SELENOF: variants seen among roughly 807,000 people sequenced by gnomAD.
SELENOF encodes the protein 15 kDa selenoprotein.
In SELENOF, 16 loss-of-function variants were observed where a neutral mutation model predicts 20.5. That is an observed-to-expected ratio of 0.78 (90% confidence interval 0.53 to 1.19). The LOEUF is 1.19. Ranked by LOEUF, SELENOF falls within the 50% of genes most tolerant of loss-of-function variation. The probability of loss-of-function intolerance (pLI) is 0.00; values close to 1 mark genes in which losing one functional copy is unlikely to be tolerated. For missense variants in SELENOF, 215 were observed against 194.2 expected, an observed-to-expected ratio of 1.11 and a Z score of -0.64; for synonymous variants, 78 against 74.5, an observed-to-expected ratio of 1.05 and a Z score of -0.24.
chr1:86,902,993 G>C (rs1484730999), intron 2 of SELENOF, among the ~76,000 whole-genome samples: 1 of 152,062 alleles, frequency 6.6e-6, no homozygotes, highest in Non-Finnish European at 1.5e-5. Context: ...GGCTTCATTT[G>C]GCCAGAAGTT....
intron 1 of SELENOF, among the ~76,000 whole-genome samples, chr1:86,905,952 G>A (rs1659817047): frequency 6.6e-6 from 1 of 152,222 alleles, no homozygotes; most frequent in Non-Finnish European, 1.5e-5. Context: ...TGGGTTGACT[G>A]AATTTGGCCC....
chr1:86,891,739 C>T (rs1659387936), intron 2 of SELENOF, among the ~76,000 whole-genome samples: 1 of 151,998 alleles, frequency 6.6e-6, no homozygotes, highest in South Asian at 2.1e-4. Flanking sequence ...TATATTGATA[C>T]TTAATTCACT....
intron 1 of SELENOF, among the ~76,000 whole-genome samples, chr1:86,910,702 CA>C (rs36124875): frequency 0.31 from 25,675 of 82,674 alleles, 2,755 homozygotes; most frequent in African/African-American, 0.43. Context: ...GACTCCATAT[CA>C]AAAAAAAAAA....
At chr1:86,896,280 G>C (rs938081264) in intron 2 of SELENOF, among the ~76,000 whole-genome samples, 1 of 151,592 alleles carries the variant, frequency 6.6e-6, no homozygotes, top group Non-Finnish European at 1.5e-5. Context: ...GGCGGATATA[G>C]TTAGGGAAAA....
intron 2 of SELENOF, among the ~76,000 whole-genome samples, chr1:86,893,511 AGGAGGC>A: frequency 6.6e-6 from 1 of 151,380 alleles, no homozygotes; most frequent in African/African-American, 2.4e-5. Context: ...CCAGCTACTC[AGGAGGC>A]TGAGGCTGGG....
At chr1:86,909,963 C>T (rs114322394) in intron 1 of SELENOF, among the ~76,000 whole-genome samples, 185 of 152,204 alleles carry the variant, frequency 1.2e-3, no homozygotes, top group Non-Finnish European at 2.4e-3. Flanking sequence ...CACTTCATCC[C>T]GGGTGACAAT....
intron 1 of SELENOF, among the ~76,000 whole-genome samples, chr1:86,904,471 T>C (rs1659780165): frequency 1.3e-5 from 2 of 152,206 alleles, no homozygotes; most frequent in South Asian, 4.1e-4. Flanking sequence ...TCCATTCTTT[T>C]TTACCTATCA....
chr1:86,901,278 T>C (rs1452714085), intron 2 of SELENOF, among the ~76,000 whole-genome samples: 1 of 152,174 alleles, frequency 6.6e-6, no homozygotes, highest in Non-Finnish European at 1.5e-5. Flanking sequence ...CAGAGAACAA[T>C]ATTGCATAGA....
intron 2 of SELENOF, among the ~76,000 whole-genome samples, chr1:86,895,114 A>G (rs554800006): frequency 6.6e-6 from 1 of 152,236 alleles, no homozygotes; most frequent in Non-Finnish European, 1.5e-5. Context: ...GTTTCATACA[A>G]GTAGTTATAA....
At chr1:86,870,049 A>C (rs1000408896) in intron 3 of SELENOF, among the ~76,000 whole-genome samples, 24 of 152,224 alleles carry the variant, frequency 1.6e-4, no homozygotes, top group African/African-American at 4.8e-4. Context: ...CTGGGATTAT[A>C]GGCGTGAGCC....
At chr1:86,899,048 C>G (rs1659602523) in intron 2 of SELENOF, among the ~76,000 whole-genome samples, 1 of 151,952 alleles carries the variant, frequency 6.6e-6, no homozygotes, top group Admixed American at 6.6e-5. Context: ...CGCCCTTAAT[C>G]CATTTAACCC....
intron 2 of SELENOF, among the ~76,000 whole-genome samples, chr1:86,898,580 C>CTTTTTTT (rs747362493): frequency 8.0e-6 from 1 of 124,996 alleles, no homozygotes; most frequent in African/African-American, 3.2e-5. Context: ...TTCTCTTCTT[C>CTTTTTTT]TTTTTTTTTT....
intron 1 of SELENOF, among the ~76,000 whole-genome samples, chr1:86,913,606 G>C (rs937481707): frequency 6.6e-6 from 1 of 152,184 alleles, no homozygotes; most frequent in Non-Finnish European, 1.5e-5. Context: ...GCGCGCGAGA[G>C]AGGTAAACAC....
chr1:86,906,730 G>C lies in SELENOF; in HGVS notation c.85-3282C>G, dbSNP rs189391860. Among the ~76,000 whole-genome samples the C allele has an allele frequency of 2.8e-3, 426 of 152,296 alleles. 6 individuals carry two copies. The highest frequency in any genetic ancestry group is 0.017 in the Admixed American group (255 of 15,302). ...GTGAGTAAACCACCTTCAGATTTCA[G>C]GCCCTAGTGTTTCAACTGAGGTCTG... On this transcript the variant is annotated intron_variant, in intron 1 of 4. Coordinates refer to ENST00000331835, the MANE Select transcript of SELENOF (RefSeq NM_004261.5).
intron 2 of SELENOF, among the ~76,000 whole-genome samples, chr1:86,898,667 T>G (rs571012131): frequency 6.6e-6 from 1 of 151,362 alleles, no homozygotes; most frequent in East Asian, 1.9e-4. Context: ...CAGCAACCTC[T>G]GCTTCACGGG....
At chr1:86,872,914 G>A (rs1022641440) in intron 3 of SELENOF, among the ~76,000 whole-genome samples, 3 of 152,056 alleles carry the variant, frequency 2.0e-5, no homozygotes, top group Admixed American at 6.5e-5. Context: ...GGTGGCAGGC[G>A]CCTGTAGCGC....
chr1:86,894,839 A>AAACAAC (rs371203807), intron 2 of SELENOF, among the ~76,000 whole-genome samples: 3,513 of 151,948 alleles, frequency 0.023, 72 homozygotes, highest in African/African-American at 0.048. Flanking sequence ...CCTATCTCTA[A>AAACAAC]AACAACAACA....
At chr1:86,880,139 C>CT (rs201093710) in intron 3 of SELENOF, among the ~76,000 whole-genome samples, 473 of 143,418 alleles carry the variant, frequency 3.3e-3, no homozygotes, top group South Asian at 0.011. Flanking sequence ...ATCTGAATTT[C>CT]TTTTTTTTTT....
At chr1:86,870,752 G>T (rs572250392) in intron 3 of SELENOF, among the ~76,000 whole-genome samples, 1 of 152,182 alleles carries the variant, frequency 6.6e-6, no homozygotes, top group East Asian at 1.9e-4. Flanking sequence ...CCCAGCAGCT[G>T]GGACTACAGG....
Sources: gnomAD v4.1 joint callset for allele counts (sites outside exome capture counted in the v4.1 genomes callset) on GRCh38, gnomAD v4.1.1 for gene constraint, MANE v1.5 for transcripts, NCBI Gene and HGNC (gene_info 2026-07-23, HGNC 2026-07-21) for gene names.